Variants in SGCZ observed in about 807,000 individuals in gnomAD.
SGCZ encodes the protein zeta-sarcoglycan.
A neutral mutation model predicts 41.3 loss-of-function variants in SGCZ; 40 were observed. The observed-to-expected ratio is 0.97, with a 90% confidence interval of 0.75 to 1.26. The LOEUF (loss-of-function observed/expected upper bound fraction) is 1.26, where lower values mean the gene tolerates loss of function less well. SGCZ is among the 50% of genes most tolerant of loss of function. The pLI is 0.00. For missense variants in SGCZ, 552 were observed against 369.8 expected (o/e 1.49, Z -4.04); for synonymous variants, 206 against 137.5 (o/e 1.50, Z -3.49).
intron 5 of SGCZ, among the ~76,000 whole-genome samples, chr8:14,145,869 T>G (rs1185421160): frequency 6.6e-6 from 1 of 152,096 alleles, no homozygotes; most frequent in Admixed American, 6.5e-5. Flanking sequence ...GAATTAGCTC[T>G]AAGACAGGCT....
intron 2 of SGCZ, among the ~76,000 whole-genome samples, chr8:14,360,189 T>A (rs957967998): frequency 6.6e-6 from 1 of 152,090 alleles, no homozygotes; most frequent in Admixed American, 6.5e-5. Context: ...GCCCTGCCCT[T>A]AAAATCTGGA....
chr8:14,953,747 G>A (rs1800715360), intron 1 of SGCZ, among the ~76,000 whole-genome samples: 1 of 152,140 alleles, frequency 6.6e-6, no homozygotes, highest in South Asian at 2.1e-4. Context: ...ATGTGTTTAA[G>A]AGACTAAATG....
At chr8:14,359,064 A>G (rs1175311800) in intron 2 of SGCZ, among the ~76,000 whole-genome samples, 1 of 152,114 alleles carries the variant, frequency 6.6e-6, no homozygotes, top group Non-Finnish European at 1.5e-5. Context: ...ATTCTTTGTT[A>G]TTTTAAAATA....
At chr8:14,314,774 G>A (rs1475583595) in intron 3 of SGCZ, among the ~76,000 whole-genome samples, 1 of 151,992 alleles carries the variant, frequency 6.6e-6, no homozygotes. Flanking sequence ...GCTTTTAGTG[G>A]ACCCAGTTAA....
chr8:15,001,131 T>C (rs898907649), intron 1 of SGCZ, among the ~76,000 whole-genome samples: 1 of 152,118 alleles, frequency 6.6e-6, no homozygotes, highest in Admixed American at 6.5e-5. Context: ...GCCCAAAGAT[T>C]GGGAGGATGA....
intron 1 of SGCZ, among the ~76,000 whole-genome samples, chr8:14,941,869 T>C (rs923765723): frequency 6.6e-6 from 1 of 151,430 alleles, no homozygotes. Flanking sequence ...ACCTTTATTC[T>C]ATATTTTATA....
chr8:14,859,422 G>A (rs1178199741), intron 1 of SGCZ, among the ~76,000 whole-genome samples: 2 of 151,980 alleles, frequency 1.3e-5, no homozygotes, highest in Non-Finnish European at 2.9e-5. Context: ...TAGACAATAC[G>A]TTATTACTAT....
intron 1 of SGCZ, among the ~76,000 whole-genome samples, chr8:14,582,618 A>C: frequency 1.3e-5 from 2 of 148,268 alleles, no homozygotes; most frequent in East Asian, 2.1e-4. Flanking sequence ...TTAACTCGTC[A>C]TTTAGCATTA....
At chr8:14,380,810 G>C (rs1406857946) in intron 2 of SGCZ, among the ~76,000 whole-genome samples, 2 of 152,044 alleles carry the variant, frequency 1.3e-5, no homozygotes, top group Non-Finnish European at 2.9e-5. Context: ...AGTGAGTTGA[G>C]ATCATGCCAC....
At chr8:14,471,790 T>C (rs927505384) in intron 2 of SGCZ, among the ~76,000 whole-genome samples, 1 of 152,048 alleles carries the variant, frequency 6.6e-6, no homozygotes, top group African/African-American at 2.4e-5. Flanking sequence ...AAACATGAAA[T>C]ACATATCTGC....
At chr8:14,827,885 T>C (rs924138218) in intron 1 of SGCZ, among the ~76,000 whole-genome samples, 7 of 152,122 alleles carry the variant, frequency 4.6e-5, no homozygotes, top group African/African-American at 1.7e-4. Flanking sequence ...ACCCGGTGTA[T>C]TTTTTAACCT....
At chr8:15,143,372 C>G (rs1476715151) in intron 1 of SGCZ, among the ~76,000 whole-genome samples, 5 of 152,142 alleles carry the variant, frequency 3.3e-5, no homozygotes, top group Admixed American at 2.0e-4. Flanking sequence ...CTCACTAGTA[C>G]TCAAAAGCAG....
intron 2 of SGCZ, among the ~76,000 whole-genome samples, chr8:14,401,399 C>G (rs893336925): frequency 1.1e-4 from 17 of 149,780 alleles, no homozygotes; most frequent in Non-Finnish European, 1.2e-4. Context: ...AACTCGTCAT[C>G]TAGCATTAGG....
intron 1 of SGCZ, among the ~76,000 whole-genome samples, chr8:14,853,809 T>C (rs1803437943): frequency 6.6e-6 from 1 of 151,874 alleles, no homozygotes; most frequent in African/African-American, 2.4e-5. Context: ...AATTTTCCTT[T>C]CTCTGTTCTT....
intron 2 of SGCZ, among the ~76,000 whole-genome samples, chr8:14,539,012 CAT>C (rs918853460): frequency 5.3e-5 from 8 of 152,110 alleles, no homozygotes; most frequent in Non-Finnish European, 1.0e-4. Context: ...GCTGAAGAAA[CAT>C]ATTTCAGATA....
At chr8:14,684,481 T>C (rs1808544382) in intron 1 of SGCZ, among the ~76,000 whole-genome samples, 1 of 152,166 alleles carries the variant, frequency 6.6e-6, no homozygotes, top group African/African-American at 2.4e-5. Flanking sequence ...TTTGGGACAT[T>C]GTAGTGAGTT....
chr8:14,756,461 A>C (rs1477474773), intron 1 of SGCZ, among the ~76,000 whole-genome samples: 2 of 152,184 alleles, frequency 1.3e-5, no homozygotes, highest in African/African-American at 2.4e-5. Context: ...GTGGGATTAC[A>C]GGCTTGAGCC....
chr8:15,083,131 T>C (rs1805815884), intron 1 of SGCZ, among the ~76,000 whole-genome samples: 4 of 152,072 alleles, frequency 2.6e-5, no homozygotes, highest in African/African-American at 9.7e-5. Flanking sequence ...TAACACAAAA[T>C]AGACTGACAG....
chr8:14,221,842 G>T (rs187568026), intron 4 of SGCZ, among the ~76,000 whole-genome samples: 1 of 151,956 alleles, frequency 6.6e-6, no homozygotes, highest in Non-Finnish European at 1.5e-5. Flanking sequence ...AATGGCGTGT[G>T]CCTGTAATCT....
Sources: allele counts gnomAD v4.1 joint callset (sites outside exome capture counted in the v4.1 genomes callset), GRCh38; gene constraint gnomAD v4.1.1; transcripts MANE v1.5; gene names NCBI Gene and HGNC (gene_info 2026-07-23, HGNC 2026-07-21).